QKI: variants seen among roughly 807,000 people sequenced by gnomAD.
QKI encodes the protein KH domain-containing RNA-binding protein QKI.
Under a neutral mutation model 39.0 loss-of-function variants are expected in QKI, and 10 were observed. The ratio of observed to expected loss-of-function variants is 0.26; its 90% CI spans 0.16 to 0.43. QKI has a LOEUF of 0.43. Among genes scored for constraint, QKI ranks in the 20% least tolerant of loss-of-function variants. The pLI is 1.00. For synonymous variants in QKI, 204 were observed against 155.4 expected (o/e 1.31, Z -2.33); for missense variants, 218 against 428.0 (o/e 0.51, Z 4.33).
intron 1 of QKI, among the ~76,000 whole-genome samples, chr6:163,433,195 G>A (rs141246753): frequency 1.3e-5 from 2 of 152,304 alleles, no homozygotes; most frequent in East Asian, 1.9e-4. Flanking sequence ...ATATCATAGT[G>A]ATGTTGTTTA....
chr6:163,492,769 G>A (rs943017439), intron 3 of QKI, among the ~76,000 whole-genome samples: 1 of 152,030 alleles, frequency 6.6e-6, no homozygotes, highest in African/African-American at 2.4e-5. Flanking sequence ...TTGAATAATA[G>A]ACAAGTGAGT....
chr6:163,548,617 G>A (rs1782034257), intron 4 of QKI, among the ~76,000 whole-genome samples: 1 of 152,192 alleles, frequency 6.6e-6, no homozygotes. Context: ...AGTTTGGTAA[G>A]GAACTGAAAG....
At chr6:163,564,760 CA>C in intron 6 of QKI, 2 of 1,612,676 alleles carry the variant, frequency 1.2e-6, no homozygotes, top group Non-Finnish European at 1.7e-6. Flanking sequence ...CACGACCAGT[CA>C]ATGTGGAACA....
chr6:163,443,631 C>T (rs970343046), intron 1 of QKI, among the ~76,000 whole-genome samples: 1 of 152,206 alleles, frequency 6.6e-6, no homozygotes, highest in Non-Finnish European at 1.5e-5. Context: ...TCTTGCAACA[C>T]CTGTGAATGT....
At chr6:163,537,329 A>G (rs547947019) in intron 4 of QKI, among the ~76,000 whole-genome samples, 12 of 152,344 alleles carry the variant, frequency 7.9e-5, no homozygotes, top group Admixed American at 2.0e-4. Context: ...TGTTGTTTCT[A>G]TACAAATGCT....
intron 5 of QKI, among the ~76,000 whole-genome samples, chr6:163,562,733 TACTG>T (rs997947823): frequency 6.6e-6 from 1 of 152,236 alleles, no homozygotes; most frequent in Non-Finnish European, 1.5e-5. Context: ...ATGTTTAAAT[TACTG>T]ATTATTTAAA....
At chr6:163,425,282 G>A (rs1433097824) in intron 1 of QKI, among the ~76,000 whole-genome samples, 2 of 152,150 alleles carry the variant, frequency 1.3e-5, no homozygotes, top group Non-Finnish European at 1.5e-5. Flanking sequence ...AAATAGGTAC[G>A]GATTTAGTTA....
chr6:163,501,299 C>A (rs201370835), intron 3 of QKI, among the ~76,000 whole-genome samples: 8 of 137,262 alleles, frequency 5.8e-5, no homozygotes, highest in Admixed American at 1.5e-4. Context: ...AAAAAAAAAA[C>A]CCAAAGCATT....
At chr6:163,438,402 C>G (rs1789477477) in intron 1 of QKI, among the ~76,000 whole-genome samples, 1 of 152,100 alleles carries the variant, frequency 6.6e-6, no homozygotes, top group Admixed American at 6.5e-5. Context: ...TGCTTAAAGA[C>G]AGTGATAGAT....
Position 163,498,032 on chromosome 6 carries a change from G to A in QKI, c.402+19136G>A, listed in dbSNP as rs943508669. Among the ~76,000 whole-genome samples, 42 of 152,004 alleles carry A rather than the reference G, an allele frequency of 2.8e-4. 2 individuals are homozygous for A. Among genetic ancestry groups the A allele is most frequent in the African/African-American group, 1.0e-3 (42 of 41,474 alleles). On this transcript the variant is annotated intron_variant, in intron 3 of 7. Coordinates refer to ENST00000361752, the MANE Select transcript of QKI (RefSeq NM_006775.3). Reference sequence around the variant, plus strand: ...CTTTAAAAATTTCTGTTACTGTATTGCTGTTAGAATAAGAACTAAATTTTG... The same window carrying A: ...CTTTAAAAATTTCTGTTACTGTATTACTGTTAGAATAAGAACTAAATTTTG...
At chr6:163,565,470 T>C in intron 6 of QKI, 3 of 986,876 alleles carry the variant, frequency 3.0e-6, no homozygotes, top group Non-Finnish European at 3.6e-6. Flanking sequence ...ATGGACCAGT[T>C]TACTGCTTAG....
chr6:163,467,003 C>G (rs977790961), intron 2 of QKI, among the ~76,000 whole-genome samples: 17 of 149,332 alleles, frequency 1.1e-4, no homozygotes, highest in African/African-American at 3.0e-4. Context: ...CCAAAAGATA[C>G]CAGAATATTA....
At chr6:163,415,929 C>T (rs1362247434) in intron 1 of QKI, 1 of 512,152 alleles carries the variant, frequency 2.0e-6, no homozygotes, top group South Asian at 1.4e-5. Flanking sequence ...AAAGAAATTC[C>T]GTAGGAGACC....
intron 1 of QKI, among the ~76,000 whole-genome samples, chr6:163,425,712 A>G (rs985687779): frequency 6.6e-6 from 1 of 152,156 alleles, no homozygotes; most frequent in African/African-American, 2.4e-5. Context: ...TTCCTTACCT[A>G]CAGGTTAGTG....
intron 2 of QKI, among the ~76,000 whole-genome samples, chr6:163,470,187 A>G (rs149565826): frequency 0.01 from 1,589 of 152,240 alleles, 17 homozygotes; most frequent in Non-Finnish European, 0.014. Context: ...TGGAGAGGAC[A>G]GACGAAAGGC....
intron 4 of QKI, among the ~76,000 whole-genome samples, chr6:163,555,814 G>A (rs939911410): frequency 7.9e-5 from 12 of 152,052 alleles, no homozygotes; most frequent in Non-Finnish European, 1.6e-4. Context: ...CAGCTCTCTG[G>A]TGATTACTTT....
At chr6:163,519,368 G>C (rs938231860) in intron 3 of QKI, among the ~76,000 whole-genome samples, 6 of 152,044 alleles carry the variant, frequency 3.9e-5, no homozygotes, top group African/African-American at 7.2e-5. Flanking sequence ...AAGACAGCTT[G>C]ACAAAAGGGG....
At chr6:163,452,691 A>G (rs987094336) in intron 1 of QKI, among the ~76,000 whole-genome samples, 1 of 152,122 alleles carries the variant, frequency 6.6e-6, no homozygotes, top group East Asian at 1.9e-4. Context: ...AACCAGATAG[A>G]TGCTTATATA....
At chr6:163,551,149 A>G (rs1353451180) in intron 4 of QKI, among the ~76,000 whole-genome samples, 1 of 152,192 alleles carries the variant, frequency 6.6e-6, no homozygotes, top group East Asian at 1.9e-4. Flanking sequence ...AGTTTCTCCT[A>G]CTATACTCTC....
Sources: gnomAD v4.1 joint callset for allele counts (sites outside exome capture counted in the v4.1 genomes callset) on GRCh38, gnomAD v4.1.1 for gene constraint, MANE v1.5 for transcripts, NCBI Gene and HGNC (gene_info 2026-07-23, HGNC 2026-07-21) for gene names.